The following KPNA3 variants were observed in gnomAD, a reference collection of about 807,000 sequenced individuals.
KPNA3 encodes karyopherin subunit alpha 3.
KPNA3 carries 13 observed loss-of-function variants against 73.8 expected under a neutral mutation model. That is an observed-to-expected ratio of 0.18 (90% confidence interval 0.11 to 0.28). The LOEUF (loss-of-function observed/expected upper bound fraction) is 0.28. Ranked by LOEUF, KPNA3 falls within the 10% of genes least tolerant of loss-of-function variation. The probability of loss-of-function intolerance (pLI) is 1.00; values close to 1 mark genes in which losing one functional copy is unlikely to be tolerated. For synonymous variants in KPNA3, 186 were observed against 206.9 expected (o/e 0.90, Z 0.87); for missense variants, 360 against 618.1 (o/e 0.58, Z 4.43).
At position 49,725,546 on chromosome 13, in the gene KPNA3, C is replaced by T. The variant is rs770686932; in HGVS notation, c.384-45G>A. The T allele has an allele frequency of 5.1e-6, 6 of 1,180,568 alleles. No homozygotes were observed. In the South Asian group the frequency reaches 6.3e-5, roughly 12 times the overall value. The allele number at this position is 1,180,568 out of a possible 1,614,324, so 73.1% of individuals were successfully genotyped here. A position where few individuals can be genotyped will look rare whatever the true frequency, so the allele number is the denominator to read the frequency against. ...CATCTTTTTAGACACATAACTACCA[C>T]TTAAATTAATGAATCTTAAGACTGA... is the stretch of plus-strand genomic sequence containing the variant. On this transcript the variant is annotated intron_variant, in intron 6 of 16. Coordinates refer to ENST00000261667, the MANE Select transcript of KPNA3 (RefSeq NM_002267.4).
chr13:49,743,648 G>A (rs1219974051), intron 2 of KPNA3, among the ~76,000 whole-genome samples: 1 of 151,532 alleles, frequency 6.6e-6, no homozygotes, highest in Non-Finnish European at 1.5e-5. Context: ...GCTGTGACAT[G>A]CAAGAATTTT....
intron 1 of KPNA3, among the ~76,000 whole-genome samples, chr13:49,787,758 C>A (rs1375860542): frequency 2.0e-5 from 3 of 150,872 alleles, no homozygotes; most frequent in Non-Finnish European, 4.4e-5. Flanking sequence ...TGACTCACTG[C>A]AAGCTCCGCC....
rs190322729 is a variant in KPNA3 at position 49,707,223 on chromosome 13, G to A, written c.1033-851C>T. Among the ~76,000 whole-genome samples the A allele has an allele frequency of 6.2e-4, 95 of 152,048 alleles. 1 individual carries two copies. Among genetic ancestry groups the A allele is most frequent in the Middle Eastern group, 6.8e-3 (2 of 294 alleles). On this transcript the variant is annotated intron_variant, in intron 12 of 16. Coordinates refer to ENST00000261667, the MANE Select transcript of KPNA3 (RefSeq NM_002267.4). The stretch of plus-strand genomic sequence containing the variant: ...ATAACATAAATATTCTAAAACTAAG[G>A]GATTTATAAGTCATAAACACGTCTG...
chr13:49,782,953 G>A (rs773208743), intron 1 of KPNA3, among the ~76,000 whole-genome samples: 46 of 151,962 alleles, frequency 3.0e-4, no homozygotes, highest in Non-Finnish European at 6.0e-4. Flanking sequence ...AAACATAGGG[G>A]CTACCACAAG....
chr13:49,732,515 AAAAG>A (rs748332354), intron 5 of KPNA3, 49 bp from the exon 6 acceptor site: 69 of 1,472,664 alleles, frequency 4.7e-5, no homozygotes, highest in Non-Finnish European at 6.4e-5. Context: ...TCAAACTGTG[AAAAG>A]AAATAACAAC....
intron 1 of KPNA3, among the ~76,000 whole-genome samples, chr13:49,767,327 T>C (rs567142425): frequency 9.9e-5 from 15 of 151,000 alleles, no homozygotes; most frequent in Admixed American, 5.9e-4. Flanking sequence ...TGAGGCAGAA[T>C]TGCTTGAACC....
intron 6 of KPNA3, among the ~76,000 whole-genome samples, chr13:49,731,802 A>G (rs1480578792): frequency 6.6e-6 from 1 of 152,196 alleles, no homozygotes; most frequent in East Asian, 1.9e-4. Flanking sequence ...TCCTCAAAAG[A>G]TATCCAGTGG....
At chr13:49,754,678 A>G (rs1241812679) in intron 1 of KPNA3, among the ~76,000 whole-genome samples, 2 of 151,958 alleles carry the variant, frequency 1.3e-5, no homozygotes, top group African/African-American at 4.8e-5. Context: ...CAGAGTTATA[A>G]TATTAGAAAT....
intron 16 of KPNA3, 150 bp downstream of exon 16, chr13:49,702,236 A>AT: frequency 1.7e-6 from 1 of 579,802 alleles, no homozygotes; most frequent in East Asian, 3.2e-5. Context: ...GTTTCAAAGT[A>AT]TTTAAGAGAA....
chr13:49,725,359 C>T, intron 7 of KPNA3, 57 bp downstream of exon 7: 1 of 933,580 alleles, frequency 1.1e-6, no homozygotes, highest in Non-Finnish European at 1.6e-6. Flanking sequence ...TTACAAAACT[C>T]TACTTCCTTG....
intron 1 of KPNA3, among the ~76,000 whole-genome samples, chr13:49,762,557 G>A (rs887696372): frequency 6.6e-5 from 10 of 152,312 alleles, no homozygotes; most frequent in Admixed American, 5.9e-4. Context: ...GTTGATCTAT[G>A]ACCTTGCCCC....
At chr13:49,745,161 T>C (rs952585505) in intron 2 of KPNA3, among the ~76,000 whole-genome samples, 5 of 152,176 alleles carry the variant, frequency 3.3e-5, no homozygotes, top group African/African-American at 1.2e-4. Context: ...TGAATGTAGT[T>C]AAAATGAGCT....
intron 1 of KPNA3, among the ~76,000 whole-genome samples, chr13:49,784,527 T>C (rs1594465258): frequency 6.6e-6 from 1 of 152,326 alleles, no homozygotes. Flanking sequence ...CAAGTATTCA[T>C]CTATAGATGA....
intron 1 of KPNA3, among the ~76,000 whole-genome samples, chr13:49,787,773 G>A (rs568187868): frequency 2.0e-5 from 3 of 150,398 alleles, no homozygotes; most frequent in East Asian, 3.9e-4. Context: ...TCCGCCTCCC[G>A]GGTTCACGCC....
At chr13:49,770,056 T>C (rs746431309) in intron 1 of KPNA3, among the ~76,000 whole-genome samples, 1 of 152,198 alleles carries the variant, frequency 6.6e-6, no homozygotes, top group Non-Finnish European at 1.5e-5. Context: ...TCCAAGTCCT[T>C]GCCCCTTTTT....
At chr13:49,741,265 G>A (rs1954571152) in intron 2 of KPNA3, among the ~76,000 whole-genome samples, 1 of 152,024 alleles carries the variant, frequency 6.6e-6, no homozygotes. Context: ...GTGTACAAGA[G>A]TTTCCTTTTC....
chr13:49,732,335 G>T, intron 6 of KPNA3, 36 bp downstream of exon 6: 1 of 1,124,180 alleles, frequency 8.9e-7, no homozygotes. Context: ...TAAGTTAACT[G>T]AAAAAAACTG....
chr13:49,739,228 G>C (rs1954551358), intron 2 of KPNA3, among the ~76,000 whole-genome samples: 1 of 152,078 alleles, frequency 6.6e-6, no homozygotes. Context: ...AGGGCCTATG[G>C]CCTGACTGAC....
intron 1 of KPNA3, among the ~76,000 whole-genome samples, chr13:49,757,022 C>G (rs752622198): frequency 2.0e-5 from 3 of 152,148 alleles, no homozygotes. Flanking sequence ...TTAACCCTGA[C>G]TTAAGCCTCA....
Sources: allele counts gnomAD v4.1 joint callset (sites outside exome capture counted in the v4.1 genomes callset), GRCh38; gene constraint gnomAD v4.1.1; transcripts MANE v1.5; gene names NCBI Gene and HGNC (gene_info 2026-07-23, HGNC 2026-07-21).